FRMD5: variants seen among roughly 807,000 people sequenced by gnomAD.
FRMD5 encodes FERM domain-containing protein 5.
FRMD5 carries 20 observed loss-of-function variants against 69.0 expected under a neutral mutation model. The observed-to-expected ratio is 0.29, with a 90% CI of 0.20 to 0.42. The LOEUF is 0.42. Among genes scored for constraint, FRMD5 ranks in the 10% least tolerant of loss-of-function variants. FRMD5 has a pLI of 1.00. For synonymous variants in FRMD5, 271 were observed against 260.1 expected, an observed-to-expected ratio of 1.04 and a Z score of -0.40; for missense variants, 595 against 708.6, an observed-to-expected ratio of 0.84 and a Z score of 1.82.
rs1177107205 is a variant in FRMD5 at position 44,195,106 on chromosome 15, C to A, written c.-52G>T. 7.0e-7 allele frequency: 1 copy of A among 1,424,908 alleles called. No individual in the cohort carries two copies. Among genetic ancestry groups the A allele is most frequent in the Non-Finnish European group, 9.3e-7 (1 of 1,072,996 alleles). The allele number at this position is 1,424,908 out of a possible 1,614,324, so 88.3% of individuals were successfully genotyped here. ...CGCGGCGGCGCTGCGGACCCTGGAC[C>A]AGGCGTCCCTCAGCCCGGCAGCTCC... On this transcript the variant is annotated 5_prime_UTR_variant, in exon 1 of 14. Coordinates refer to ENST00000417257, the MANE Select transcript of FRMD5 (RefSeq NM_032892.5).
At chr15:44,018,904 CTTTTTT>C (rs927383285) in intron 1 of FRMD5, among the ~76,000 whole-genome samples, 6 of 148,204 alleles carry the variant, frequency 4.0e-5, no homozygotes, top group Non-Finnish European at 7.5e-5. Context: ...CTTTTCTTTT[CTTTTTT>C]TTTTAGATAG....
chr15:43,948,453 G>T lies in FRMD5; in HGVS notation c.103-24144C>A, dbSNP rs1307718292. Among the ~76,000 whole-genome samples, 9 of 151,006 alleles carry T rather than the reference G, an allele frequency of 6.0e-5. No individual in the cohort carries two copies. In the East Asian group the frequency reaches 1.2e-3, roughly 20 times the overall value. On this transcript the variant is annotated intron_variant, in intron 1 of 13. Transcript: ENST00000417257. The stretch of plus-strand genomic sequence containing the variant: ...TAAATTCAAATTTGAATAAGTTAAA[G>T]AATTAAAAATCTGTTTGGATTTTTG...
intron 1 of FRMD5, among the ~76,000 whole-genome samples, chr15:43,971,241 A>AAAAAAAC (rs1366389842): frequency 1.3e-5 from 2 of 152,060 alleles, no homozygotes; most frequent in East Asian, 1.9e-4. Context: ...TCCACCTCAC[A>AAAAAAAC]AAAAAACAAA....
At chr15:44,012,997 C>T (rs1416562402) in intron 1 of FRMD5, among the ~76,000 whole-genome samples, 1 of 152,174 alleles carries the variant, frequency 6.6e-6, no homozygotes, top group Admixed American at 6.5e-5. Flanking sequence ...AACTCCTGAC[C>T]TCAGGTGATC....
chr15:44,079,700 G>A (rs763645407), intron 1 of FRMD5, among the ~76,000 whole-genome samples: 21 of 152,174 alleles, frequency 1.4e-4, no homozygotes, highest in Middle Eastern at 6.8e-3. Flanking sequence ...GCAAATAGTG[G>A]AAACAATCCA....
intron 1 of FRMD5, among the ~76,000 whole-genome samples, chr15:44,153,881 T>A (rs923036825): frequency 6.6e-6 from 1 of 152,080 alleles, no homozygotes; most frequent in Admixed American, 6.5e-5. Context: ...GGCAGGAGAA[T>A]TGCTTGAACC....
chr15:44,065,565 A>G (rs576870809), intron 1 of FRMD5, among the ~76,000 whole-genome samples: 1 of 152,310 alleles, frequency 6.6e-6, no homozygotes, highest in East Asian at 1.9e-4. Flanking sequence ...GATCTAGTAC[A>G]CAGGTTGACT....
At chr15:44,191,637 G>A (rs563163490) in intron 1 of FRMD5, among the ~76,000 whole-genome samples, 1 of 151,462 alleles carries the variant, frequency 6.6e-6, no homozygotes, top group Admixed American at 6.6e-5. Flanking sequence ...AGCAGGGCAT[G>A]GTGGTGCACT....
At chr15:44,055,092 G>C (rs968694709) in intron 1 of FRMD5, among the ~76,000 whole-genome samples, 1 of 150,314 alleles carries the variant, frequency 6.7e-6, no homozygotes. Context: ...AAAAAAAAGA[G>C]TGGAGCTGTT....
Position 44,032,459 on chromosome 15 carries a change from G to C in FRMD5, c.103-108150C>G, listed in dbSNP as rs185886973. Among the ~76,000 whole-genome samples the C allele has an allele frequency of 5.9e-5, 9 of 152,244 alleles. No homozygotes were observed. The East Asian group carries it at 1.7e-3, about 29-fold the overall frequency. On this transcript the variant is annotated intron_variant, in intron 1 of 13. Coordinates refer to ENST00000417257, the MANE Select transcript of FRMD5 (RefSeq NM_032892.5). ...GAAAATATTTTCAAACTATGCATCT[G>C]ACAAAGGTGTAATATCCAGCATCCA...
At chr15:44,149,277 A>G (rs2077406553) in intron 1 of FRMD5, among the ~76,000 whole-genome samples, 1 of 152,154 alleles carries the variant, frequency 6.6e-6, no homozygotes, top group Admixed American at 6.5e-5. Flanking sequence ...AAAACACACA[A>G]AAAGAAATAA....
chr15:44,093,595 C>G (rs555995099), intron 1 of FRMD5, among the ~76,000 whole-genome samples: 2 of 146,158 alleles, frequency 1.4e-5, no homozygotes, highest in Non-Finnish European at 3.0e-5. Context: ...TTTTTTGAGA[C>G]GGAGTCTCGC....
At chr15:44,131,620 G>A (rs1261815214) in intron 1 of FRMD5, among the ~76,000 whole-genome samples, 3 of 152,150 alleles carry the variant, frequency 2.0e-5, no homozygotes, top group Non-Finnish European at 2.9e-5. Flanking sequence ...TAAAAGGAAG[G>A]AAATTCTGAC....
Position 44,136,412 on chromosome 15 carries a change from AGAGTT to A in FRMD5, c.102+58536_102+58540del, listed in dbSNP as rs202041799. On this transcript the variant is annotated intron_variant, in intron 1 of 13. Transcript: ENST00000417257. ...CCAGAACCCTTTCACAAAGATGGCT[AGAGTT>A]AATATTTTTATTCTATAAATTCTGG... Among the ~76,000 whole-genome samples the A allele has an allele frequency of 2.3e-3, 350 of 152,300 alleles. 8 individuals carry two copies. The East Asian group carries it at 0.058, about 25-fold the overall frequency.
chr15:44,145,766 G>GAA (rs2077346327), intron 1 of FRMD5, among the ~76,000 whole-genome samples: 1 of 152,098 alleles, frequency 6.6e-6, no homozygotes, highest in Admixed American at 6.6e-5. Context: ...TAATTCTGCC[G>GAA]AACTGAATGA....
chr15:43,956,533 A>C (rs2090118471), intron 1 of FRMD5, among the ~76,000 whole-genome samples: 2 of 152,170 alleles, frequency 1.3e-5, no homozygotes, highest in South Asian at 4.1e-4. Flanking sequence ...TTAATTAGAA[A>C]CACCTGCTCA....
intron 1 of FRMD5, among the ~76,000 whole-genome samples, chr15:44,013,808 G>C (rs1248333776): frequency 6.6e-6 from 1 of 150,662 alleles, no homozygotes; most frequent in African/African-American, 2.4e-5. Flanking sequence ...GGAATGAAAG[G>C]AAATAGATGA....
intron 13 of FRMD5, chr15:43,876,328 A>G: frequency 1.0e-6 from 1 of 968,904 alleles, no homozygotes; most frequent in Non-Finnish European, 1.6e-6. Flanking sequence ...ACTACCCCTG[A>G]TGCAGAGCTG....
intron 1 of FRMD5, among the ~76,000 whole-genome samples, chr15:43,946,864 T>C (rs2089955854): frequency 6.6e-6 from 1 of 152,240 alleles, no homozygotes; most frequent in Admixed American, 6.5e-5. Context: ...AATGATGACC[T>C]GGTTAATTTA....
Sources: allele counts gnomAD v4.1 joint callset (sites outside exome capture counted in the v4.1 genomes callset), GRCh38; gene constraint gnomAD v4.1.1; transcripts MANE v1.5; gene names NCBI Gene and HGNC (gene_info 2026-07-23, HGNC 2026-07-21).